NAV2: variants seen among roughly 807,000 people sequenced by gnomAD.
The protein encoded by NAV2 is neuron navigator 2.
Under a neutral mutation model 223.2 loss-of-function variants are expected in NAV2, and 54 were observed. The ratio of observed to expected loss-of-function variants is 0.24; its 90% confidence interval spans 0.19 to 0.30. The LOEUF (loss-of-function observed/expected upper bound fraction) is 0.30, where lower values mean the gene tolerates loss of function less well. NAV2 is among the 10% of genes least tolerant of loss of function. The pLI, the probability that NAV2 is intolerant of heterozygous loss-of-function variation, is 1.00. For missense variants in NAV2, 2,806 were observed against 3,147.5 expected, an observed-to-expected ratio of 0.89 and a Z score of 2.60; for synonymous variants, 1,279 against 1,239.3, an observed-to-expected ratio of 1.03 and a Z score of -0.67.
intron 6 of NAV2, among the ~76,000 whole-genome samples, chr11:19,919,186 A>G (rs1391192506): frequency 6.6e-6 from 1 of 151,948 alleles, no homozygotes; most frequent in Non-Finnish European, 1.5e-5. Flanking sequence ...ATTATTCAAG[A>G]TGACAAAGAT....
intron 1 of NAV2, among the ~76,000 whole-genome samples, chr11:19,644,837 G>T (rs368798877): frequency 1.3e-5 from 2 of 152,210 alleles, no homozygotes; most frequent in African/African-American, 4.8e-5. Flanking sequence ...ACAAAGGTAT[G>T]GACCAGTTTA....
At chr11:19,781,367 G>C (rs915187424) in intron 1 of NAV2, among the ~76,000 whole-genome samples, 6 of 152,162 alleles carry the variant, frequency 3.9e-5, no homozygotes, top group African/African-American at 1.4e-4. Flanking sequence ...TCCCCTCTTA[G>C]CCCCTTTGAT....
intron 1 of NAV2, among the ~76,000 whole-genome samples, chr11:19,745,563 A>C: frequency 6.6e-6 from 1 of 152,126 alleles, no homozygotes; most frequent in East Asian, 1.9e-4. Context: ...TCTTGGGGGT[A>C]GCCGGCTATC....
At chr11:19,529,914 A>G (rs535137192) in intron 1 of NAV2, among the ~76,000 whole-genome samples, 7 of 152,210 alleles carry the variant, frequency 4.6e-5, no homozygotes, top group Non-Finnish European at 8.8e-5. Flanking sequence ...AAAACAAAAC[A>G]TCTTTTTTAC....
rs547335930 is a variant in NAV2 at position 19,649,258 on chromosome 11, A to T, written c.76-183226A>T. Among the ~76,000 whole-genome samples the T allele has an allele frequency of 3.3e-5, 5 of 152,326 alleles. No individual in the cohort carries two copies. In the South Asian group the frequency reaches 1.0e-3, roughly 32 times the overall value. ...AATATTTGCATCTGGTTAGTGGGCT[A>T]ACATTCCCACCATTCCACCACTTAA... On this transcript the variant is annotated intron_variant, in intron 1 of 37. Transcript: ENST00000360655.
intron 7 of NAV2, among the ~76,000 whole-genome samples, chr11:19,936,918 A>C (rs911197353): frequency 1.3e-5 from 2 of 152,158 alleles, no homozygotes; most frequent in Non-Finnish European, 2.9e-5. Context: ...TGGGCAGATC[A>C]CTTGAGGTCA....
chr11:20,063,848 G>A (rs954363139), intron 20 of NAV2, among the ~76,000 whole-genome samples: 1 of 152,168 alleles, frequency 6.6e-6, no homozygotes, highest in Admixed American at 6.5e-5. Flanking sequence ...AGAATACACT[G>A]TGTATAGCTC....
intron 1 of NAV2, among the ~76,000 whole-genome samples, chr11:19,540,615 C>G (rs1184531209): frequency 6.6e-6 from 1 of 152,220 alleles, no homozygotes; most frequent in Non-Finnish European, 1.5e-5. Flanking sequence ...GCTCCAAGTT[C>G]TGCTATTTTC....
intron 6 of NAV2, among the ~76,000 whole-genome samples, chr11:19,926,945 C>T (rs1033882726): frequency 6.6e-6 from 1 of 152,164 alleles, no homozygotes. Context: ...GACCTGGGGC[C>T]AGTGTCCGCC....
chr11:19,421,135 C>T lies in NAV2; in HGVS notation c.75+70108C>T, dbSNP rs534896048. On this transcript the variant is annotated intron_variant, in intron 1 of 37. Coordinates refer to the NAV2 transcript ENST00000360655. The stretch of plus-strand genomic sequence containing the variant: ...GGTCATAGTCGATGGACCTGCCTTT[C>T]CCTTCTCTCCATCTCTTCATGTTCA... 5.3e-5 allele frequency among the ~76,000 whole-genome samples: 8 copies of T among 152,304 alleles called. No homozygotes were observed. The South Asian group carries it at 1.7e-3, about 32-fold the overall frequency.
At chr11:19,644,733 G>C (rs565952426) in intron 1 of NAV2, among the ~76,000 whole-genome samples, 2 of 152,354 alleles carry the variant, frequency 1.3e-5, no homozygotes, top group South Asian at 4.1e-4. Context: ...ACCTCCGCTT[G>C]TTGGGCCTCA....
intron 1 of NAV2, among the ~76,000 whole-genome samples, chr11:19,641,451 G>A (rs922220666): frequency 3.3e-5 from 5 of 151,904 alleles, no homozygotes; most frequent in Non-Finnish European, 5.9e-5. Flanking sequence ...CTCTATTCTT[G>A]CTATCTTTTA....
intron 1 of NAV2, among the ~76,000 whole-genome samples, chr11:19,660,236 A>G (rs1028209603): frequency 1.3e-5 from 2 of 152,180 alleles, no homozygotes; most frequent in African/African-American, 4.8e-5. Flanking sequence ...GGCTTGCTTT[A>G]TGCCGACTTC....
intron 1 of NAV2, among the ~76,000 whole-genome samples, chr11:19,616,561 A>G (rs1183347625): frequency 6.6e-6 from 1 of 152,040 alleles, no homozygotes; most frequent in Non-Finnish European, 1.5e-5. Flanking sequence ...TCAGGCAGGC[A>G]GCTGGAGACT....
At chr11:20,035,221 C>T (rs2056232171) in intron 11 of NAV2, among the ~76,000 whole-genome samples, 1 of 151,768 alleles carries the variant, frequency 6.6e-6, no homozygotes, top group African/African-American at 2.4e-5. Context: ...GAGAACTGCA[C>T]ATTTGGATAT....
intron 1 of NAV2, among the ~76,000 whole-genome samples, chr11:19,414,484 A>C (rs1218563097): frequency 1.3e-5 from 2 of 152,224 alleles, no homozygotes; most frequent in Admixed American, 6.5e-5. Context: ...AGACTTCTAC[A>C]CAATAATAGT....
intron 11 of NAV2, 62 bp downstream of exon 11, chr11:19,984,309 A>T: frequency 6.2e-7 from 1 of 1,609,902 alleles, no homozygotes; most frequent in Non-Finnish European, 8.5e-7. Context: ...GCCCTGAGAA[A>T]TGAGGGTTAT....
chr11:20,010,733 G>A (rs78091560), intron 11 of NAV2, among the ~76,000 whole-genome samples: 10,571 of 152,216 alleles, frequency 0.069, 411 homozygotes, highest in South Asian at 0.11. Context: ...CTGGTTATCT[G>A]TTTTATAGCA....
At chr11:19,433,621 G>A (rs1372560156) in intron 1 of NAV2, among the ~76,000 whole-genome samples, 2 of 152,220 alleles carry the variant, frequency 1.3e-5, no homozygotes, top group African/African-American at 2.4e-5. Flanking sequence ...AAAGGCGGTG[G>A]TATGGACCAA....
Sources: allele counts gnomAD v4.1 joint callset (sites outside exome capture counted in the v4.1 genomes callset), GRCh38; gene constraint gnomAD v4.1.1; transcripts MANE v1.5; gene names NCBI Gene and HGNC (gene_info 2026-07-23, HGNC 2026-07-21).